Variants in ELF1 observed in about 807,000 individuals in gnomAD.
ELF1 encodes the protein E74 like ETS transcription factor 1.
Under a neutral mutation model 59.9 loss-of-function variants are expected in ELF1, and 24 were observed. The observed-to-expected ratio is 0.40, with a 90% CI of 0.29 to 0.56. ELF1 has a LOEUF of 0.56. ELF1 is among the 20% of genes least tolerant of loss of function. The probability of loss-of-function intolerance (pLI) is 0.44; values close to 1 mark genes in which losing one functional copy is unlikely to be tolerated. For missense variants in ELF1, 627 were observed against 742.2 expected, an observed-to-expected ratio of 0.84 and a Z score of 1.80; for synonymous variants, 248 against 266.2, an observed-to-expected ratio of 0.93 and a Z score of 0.67.
intron 1 of ELF1, among the ~76,000 whole-genome samples, chr13:40,985,734 T>C (rs987292824): frequency 6.6e-6 from 1 of 152,104 alleles, no homozygotes; most frequent in Non-Finnish European, 1.5e-5. Flanking sequence ...AAAAAAAATA[T>C]GGGCACTCGG....
At chr13:41,059,499 T>C (rs1332092421) in intron 1 of ELF1, among the ~76,000 whole-genome samples, 1 of 152,254 alleles carries the variant, frequency 6.6e-6, no homozygotes, top group Non-Finnish European at 1.5e-5. Context: ...ACAAATTTAC[T>C]GTGCAGTTAA....
intron 3 of ELF1, among the ~76,000 whole-genome samples, chr13:40,955,302 C>G (rs1376193288): frequency 6.8e-6 from 1 of 146,826 alleles, no homozygotes; most frequent in Non-Finnish European, 1.5e-5. Flanking sequence ...GCCCGGCCAG[C>G]CGCCCCGTCC....
intron 2 of ELF1, among the ~76,000 whole-genome samples, chr13:40,980,730 T>TAA (rs1873209320): frequency 6.6e-6 from 1 of 152,206 alleles, no homozygotes; most frequent in African/African-American, 2.4e-5. Context: ...GGCTGCATAG[T>TAA]AAACACACTG....
chr13:40,949,236 C>T (rs571093228), intron 5 of ELF1, among the ~76,000 whole-genome samples: 277 of 152,100 alleles, frequency 1.8e-3, no homozygotes, highest in Non-Finnish European at 2.7e-3. Context: ...TCCACCCACC[C>T]CCACCTCCCA....
At chr13:40,995,347 TA>T (rs752935541) in intron 1 of ELF1, among the ~76,000 whole-genome samples, 26 of 152,266 alleles carry the variant, frequency 1.7e-4, no homozygotes, top group Non-Finnish European at 3.2e-4. Flanking sequence ...TTAACAAGGC[TA>T]AAATAGCTCC....
At chr13:40,953,265 C>T (rs1394013654) in intron 3 of ELF1, among the ~76,000 whole-genome samples, 1 of 152,122 alleles carries the variant, frequency 6.6e-6, no homozygotes, top group African/African-American at 2.4e-5. Context: ...TGTCAGCCAC[C>T]GTGCCCGGCC....
At chr13:41,035,420 C>G (rs1408041368) in intron 1 of ELF1, among the ~76,000 whole-genome samples, 1 of 150,554 alleles carries the variant, frequency 6.6e-6, no homozygotes, top group Admixed American at 6.6e-5. Context: ...TTTTTTTTCC[C>G]TTTTCCACCC....
intron 4 of ELF1, 27 bp downstream of exon 4, chr13:40,951,302 T>G (rs1207743048): frequency 1.3e-6 from 2 of 1,549,726 alleles, no homozygotes; most frequent in African/African-American, 1.4e-5. Context: ...ACAAAGTACA[T>G]AAACATAAAC....
intron 1 of ELF1, among the ~76,000 whole-genome samples, chr13:41,028,387 C>A (rs577293684): frequency 6.6e-6 from 1 of 152,302 alleles, no homozygotes; most frequent in East Asian, 1.9e-4. Flanking sequence ...TACAACAACC[C>A]AATCCAGGAA....
chr13:41,023,981 T>C (rs1156462723), upstream of ELF1, among the ~76,000 whole-genome samples: 4 of 152,224 alleles, frequency 2.6e-5, no homozygotes, highest in East Asian at 7.7e-4. Flanking sequence ...CAAGGTTCTA[T>C]TGCAGGTATT....
chr13:41,043,874 T>C (rs1299956107), intron 1 of ELF1, among the ~76,000 whole-genome samples: 2 of 152,234 alleles, frequency 1.3e-5, no homozygotes, highest in Non-Finnish European at 2.9e-5. Context: ...ACTGAATCTA[T>C]AAATTATCTT....
At chr13:40,955,760 C>A (rs1871330736) in intron 3 of ELF1, among the ~76,000 whole-genome samples, 1 of 130,278 alleles carries the variant, frequency 7.7e-6, no homozygotes, top group African/African-American at 2.8e-5. Flanking sequence ...GCCGCCCCGT[C>A]CGGGAGGGAG....
intron 1 of ELF1, among the ~76,000 whole-genome samples, chr13:41,034,755 G>A (rs1593405692): frequency 7.0e-6 from 1 of 142,856 alleles, no homozygotes; most frequent in Non-Finnish European, 1.5e-5. Context: ...TATTTTTAAA[G>A]GAATGTCTCA....
intron 1 of ELF1, among the ~76,000 whole-genome samples, chr13:41,057,258 T>C (rs750738001): frequency 3.3e-5 from 5 of 151,592 alleles, no homozygotes; most frequent in Non-Finnish European, 5.9e-5. Context: ...CTGGGCTCAA[T>C]GGATCCTCCC....
upstream of ELF1, among the ~76,000 whole-genome samples, chr13:41,020,138 T>C (rs180925136): frequency 2.0e-4 from 31 of 152,346 alleles, no homozygotes; most frequent in African/African-American, 7.2e-4. Flanking sequence ...TCCACTGCAA[T>C]TGTGGCAAGG....
intron 1 of ELF1, among the ~76,000 whole-genome samples, chr13:41,017,522 A>C (rs1306488822): frequency 6.6e-6 from 1 of 152,192 alleles, no homozygotes; most frequent in African/African-American, 2.4e-5. Flanking sequence ...ATGGAAGGAA[A>C]AACGTGGAGA....
chr13:40,941,666 T>G (rs760159284), intron 7 of ELF1, among the ~76,000 whole-genome samples: 2 of 152,140 alleles, frequency 1.3e-5, no homozygotes, highest in Non-Finnish European at 2.9e-5. Context: ...CTTATTTACT[T>G]ATTTATTTGG....
intron 1 of ELF1, among the ~76,000 whole-genome samples, chr13:41,003,785 C>T (rs907337305): frequency 6.6e-6 from 1 of 152,140 alleles, no homozygotes; most frequent in African/African-American, 2.4e-5. Context: ...AATAATTAAG[C>T]TCTTCAGCTA....
intron 2 of ELF1, among the ~76,000 whole-genome samples, chr13:40,975,641 T>C (rs563671957): frequency 3.9e-4 from 60 of 152,340 alleles, no homozygotes; most frequent in African/African-American, 1.4e-3. Context: ...CATGGCTACA[T>C]TGTCCCTGCA....
Sources: allele counts gnomAD v4.1 joint callset (sites outside exome capture counted in the v4.1 genomes callset), GRCh38; gene constraint gnomAD v4.1.1; transcripts MANE v1.5; gene names NCBI Gene and HGNC (gene_info 2026-07-23, HGNC 2026-07-21).